Variants in ZFHX3 observed in about 807,000 individuals in gnomAD.
ZFHX3 encodes zinc finger homeobox protein 3.
In ZFHX3, 42 loss-of-function variants were observed where a neutral mutation model predicts 279.1. The observed-to-expected ratio is 0.15, with a 90% CI of 0.12 to 0.19. The LOEUF is 0.19. Among genes scored for constraint, ZFHX3 ranks in the 10% least tolerant of loss-of-function variants. The pLI is 1.00. For synonymous variants in ZFHX3, 2,293 were observed against 1,957.8 expected, an observed-to-expected ratio of 1.17 and a Z score of -4.52; for missense variants, 4,981 against 4,754.0, an observed-to-expected ratio of 1.05 and a Z score of -1.40.
At chr16:73,321,517 T>C (rs1387378184) in intron 3 of ZFHX3, among the ~76,000 whole-genome samples, 1 of 152,242 alleles carries the variant, frequency 6.6e-6, no homozygotes, top group Non-Finnish European at 1.5e-5. Context: ...GCATACAGCA[T>C]TGTTTCCATT....
At chr16:73,703,501 A>G (rs993515778) in intron 1 of ZFHX3, among the ~76,000 whole-genome samples, 4 of 152,168 alleles carry the variant, frequency 2.6e-5, no homozygotes, top group Admixed American at 2.0e-4. Context: ...CCAAAAAAAA[A>G]AAATTGATGT....
At chr16:73,545,823 A>C (rs1340360920) in intron 2 of ZFHX3, among the ~76,000 whole-genome samples, 1 of 152,194 alleles carries the variant, frequency 6.6e-6, no homozygotes. Flanking sequence ...TTCCCCTAAA[A>C]AATGACTAAA....
At chr16:73,311,206 C>T (rs545167628) in intron 4 of ZFHX3, among the ~76,000 whole-genome samples, 31 of 152,060 alleles carry the variant, frequency 2.0e-4, no homozygotes, top group African/African-American at 7.5e-4. Context: ...GCAATCCAGA[C>T]TGGGGGACAA....
At chr16:73,652,905 A>G (rs1036339649) in intron 2 of ZFHX3, among the ~76,000 whole-genome samples, 1 of 152,196 alleles carries the variant, frequency 6.6e-6, no homozygotes, top group Non-Finnish European at 1.5e-5. Context: ...AAATGAACCA[A>G]CAGCCCCAAT....
At chr16:73,291,726 G>T (rs1284475019) in intron 4 of ZFHX3, among the ~76,000 whole-genome samples, 1 of 152,296 alleles carries the variant, frequency 6.6e-6, no homozygotes, top group East Asian at 1.9e-4. Flanking sequence ...CCTAGAACCT[G>T]TCATGAGCCA....
chr16:72,796,468 T>C lies in ZFHX3; in HGVS notation c.6214A>G (p.Thr2072Ala), dbSNP rs2035907357. The C allele has an allele frequency of 6.3e-7, 1 of 1,599,896 alleles. No individual in the cohort carries two copies. Among genetic ancestry groups the C allele is most frequent in the African/African-American group, 1.4e-5 (1 of 71,778 alleles). ...TGGGCCGGTGCAATTGTAGGTGAGG[T>C]GATGGGTGGGGCTGATGCGGGGATG... is the stretch of plus-strand genomic sequence containing the variant. ...PAIPASAPPI[T>A]SPTIAPAQPS... The change falls in exon 9 of 10, where the codon ACC becomes GCC. Residue 2072 changes from threonine (T) to alanine (A), a missense_variant. By Grantham distance (58) the Thr-to-Ala change is moderately conservative (BLOSUM62 0). Transcript: ENST00000268489.
chr16:73,489,346 C>A (rs1165584226), intron 2 of ZFHX3, among the ~76,000 whole-genome samples: 1 of 152,114 alleles, frequency 6.6e-6, no homozygotes, highest in African/African-American at 2.4e-5. Flanking sequence ...AAGAACTGAA[C>A]GTTCATTAAA....
intron 1 of ZFHX3, among the ~76,000 whole-genome samples, chr16:73,773,003 T>C (rs748032143): frequency 3.3e-5 from 5 of 152,202 alleles, no homozygotes; most frequent in African/African-American, 1.2e-4. Flanking sequence ...TGTCATGCTA[T>C]CCTAGGTAGA....
intron 3 of ZFHX3, among the ~76,000 whole-genome samples, chr16:73,432,642 C>T (rs2017929280): frequency 6.6e-6 from 1 of 152,176 alleles, no homozygotes; most frequent in Non-Finnish European, 1.5e-5. Flanking sequence ...TTCCTGTTCA[C>T]TGGATCAAGG....
At chr16:73,678,663 C>G (rs1428919725) in intron 2 of ZFHX3, among the ~76,000 whole-genome samples, 1 of 151,928 alleles carries the variant, frequency 6.6e-6, no homozygotes, top group Non-Finnish European at 1.5e-5. Flanking sequence ...ATATGACTCA[C>G]CAAAAAAACT....
intron 3 of ZFHX3, among the ~76,000 whole-genome samples, chr16:73,339,720 G>A (rs996318352): frequency 2.0e-5 from 3 of 152,152 alleles, no homozygotes; most frequent in East Asian, 3.9e-4. Context: ...CTGGCAGGAT[G>A]TTCTCCTGGT....
chr16:73,404,109 G>GCT (rs2017311667), intron 3 of ZFHX3, among the ~76,000 whole-genome samples: 1 of 152,160 alleles, frequency 6.6e-6, no homozygotes, highest in South Asian at 2.1e-4. Flanking sequence ...TCTCCTAAGT[G>GCT]CTCTGCCTGT....
chr16:72,831,588 A>G (rs80338213), intron 4 of ZFHX3, among the ~76,000 whole-genome samples: 50 of 152,348 alleles, frequency 3.3e-4, no homozygotes, highest in African/African-American at 1.2e-3. Context: ...TATAGGTGTC[A>G]GTAGAGTAAT....
intron 3 of ZFHX3, among the ~76,000 whole-genome samples, chr16:73,335,242 A>G (rs765580429): frequency 2.0e-5 from 3 of 152,188 alleles, no homozygotes; most frequent in Non-Finnish European, 4.4e-5. Context: ...CTCAGAAAAC[A>G]AAGAAATCAA....
At chr16:73,210,554 T>C (rs1442492987) in intron 5 of ZFHX3, among the ~76,000 whole-genome samples, 1 of 152,218 alleles carries the variant, frequency 6.6e-6, no homozygotes, top group East Asian at 1.9e-4. Context: ...CTGTAGTTGT[T>C]GGTTGTGTTT....
chr16:73,040,503 T>TA (rs1165788711), intron 1 of ZFHX3, among the ~76,000 whole-genome samples: 10 of 151,258 alleles, frequency 6.6e-5, no homozygotes, highest in African/African-American at 2.4e-4. Context: ...GGTCATTGAG[T>TA]AGGCTGCTCA....
intron 2 of ZFHX3, among the ~76,000 whole-genome samples, chr16:73,515,834 G>A (rs1378272319): frequency 6.6e-6 from 1 of 152,168 alleles, no homozygotes; most frequent in Non-Finnish European, 1.5e-5. Context: ...CTGTTTAAAT[G>A]CAATGATTAT....
intron 3 of ZFHX3, among the ~76,000 whole-genome samples, chr16:73,451,055 C>G (rs1158371518): frequency 2.7e-5 from 4 of 148,570 alleles, no homozygotes; most frequent in Non-Finnish European, 5.9e-5. Flanking sequence ...ATGGGTCATG[C>G]TCTGTGTTCC....
At chr16:73,874,496 G>A (rs2029891448) in intron 1 of ZFHX3, among the ~76,000 whole-genome samples, 1 of 152,060 alleles carries the variant, frequency 6.6e-6, no homozygotes, top group Admixed American at 6.5e-5. Flanking sequence ...ACTCTGTTCT[G>A]ACATTTCCTC....
Sources: gnomAD v4.1 joint callset for allele counts (sites outside exome capture counted in the v4.1 genomes callset) on GRCh38, gnomAD v4.1.1 for gene constraint, MANE v1.5 for transcripts, NCBI Gene and HGNC (gene_info 2026-07-23, HGNC 2026-07-21) for gene names.